MALRD1: variants seen among roughly 807,000 people sequenced by gnomAD.
MALRD1 encodes MAM and LDL receptor class A domain containing 1.
In MALRD1, 247 loss-of-function variants were observed where a neutral mutation model predicts 242.1. The ratio of observed to expected loss-of-function variants is 1.02; its 90% CI spans 0.92 to 1.13. MALRD1 has a LOEUF of 1.13. Ranked by LOEUF, MALRD1 falls within the 50% of genes most tolerant of loss-of-function variation. The pLI, the probability that MALRD1 is intolerant of heterozygous loss-of-function variation, is 0.00. For missense variants in MALRD1, 2,989 were observed against 2,533.1 expected (o/e 1.18, Z -3.86); for synonymous variants, 995 against 866.6 (o/e 1.15, Z -2.60).
At chr10:19,707,620 G>A (rs1468065254) in intron 38 of MALRD1, among the ~76,000 whole-genome samples, 1 of 152,002 alleles carries the variant, frequency 6.6e-6, no homozygotes, top group Non-Finnish European at 1.5e-5. Context: ...CAAGTCATGG[G>A]TTTGAAGTCA....
At chr10:19,234,481 A>T (rs550318586) in intron 18 of MALRD1, among the ~76,000 whole-genome samples, 1 of 152,222 alleles carries the variant, frequency 6.6e-6, no homozygotes, top group East Asian at 1.9e-4. Flanking sequence ...TCATTAGTTT[A>T]TTTCTCTCTT....
At chr10:19,248,334 A>G (rs899225334) in intron 18 of MALRD1, among the ~76,000 whole-genome samples, 4 of 151,954 alleles carry the variant, frequency 2.6e-5, no homozygotes, top group African/African-American at 9.6e-5. Context: ...TTATTACAGA[A>G]CTTGTTCCTC....
intron 28 of MALRD1, among the ~76,000 whole-genome samples, chr10:19,431,303 T>G (rs1409201155): frequency 2.6e-5 from 4 of 152,158 alleles, no homozygotes; most frequent in African/African-American, 9.7e-5. Context: ...TTTTTTAGGT[T>G]TATACTTCTT....
chr10:19,223,422 AT>A (rs34473924), intron 18 of MALRD1, among the ~76,000 whole-genome samples: 42,668 of 149,568 alleles, frequency 0.29, 6,304 homozygotes, highest in Admixed American at 0.46. Flanking sequence ...CTTCTAAGCA[AT>A]TTTTTTTTTT....
intron 29 of MALRD1, among the ~76,000 whole-genome samples, chr10:19,465,013 T>G (rs1319263199): frequency 6.6e-6 from 1 of 151,982 alleles, no homozygotes. Flanking sequence ...GATTCTCAGC[T>G]TTGTCACTGT....
At chr10:19,471,612 A>ATT (rs34751709) in intron 29 of MALRD1, among the ~76,000 whole-genome samples, 49 of 127,290 alleles carry the variant, frequency 3.8e-4, no homozygotes, top group East Asian at 1.2e-3. Context: ...TTTTCTCAGG[A>ATT]TTTTTTTTTT....
chr10:19,352,360 G>A, intron 26 of MALRD1, 63 bp downstream of exon 26: 4 of 1,425,560 alleles, frequency 2.8e-6, no homozygotes, highest in Non-Finnish European at 2.8e-6. Context: ...AAGGAAGAAA[G>A]AAAATGCAAA....
intron 33 of MALRD1, among the ~76,000 whole-genome samples, chr10:19,590,252 T>C (rs941054588): frequency 2.0e-5 from 3 of 148,574 alleles, no homozygotes; most frequent in African/African-American, 2.5e-5. Flanking sequence ...GGTGGTGATA[T>C]ATATATAATA....
intron 8 of MALRD1, among the ~76,000 whole-genome samples, chr10:19,130,769 T>A (rs1336771066): frequency 6.6e-6 from 1 of 152,158 alleles, no homozygotes; most frequent in Non-Finnish European, 1.5e-5. Context: ...AGATTGGAAT[T>A]ACTGAAAATG....
At chr10:19,727,955 C>T (rs1291823379) in intron 38 of MALRD1, among the ~76,000 whole-genome samples, 1 of 152,022 alleles carries the variant, frequency 6.6e-6, no homozygotes, top group Non-Finnish European at 1.5e-5. Context: ...TAATATTGAA[C>T]TTGAAATACT....
At chr10:19,358,193 CAA>C (rs745978192) in intron 26 of MALRD1, among the ~76,000 whole-genome samples, 39,905 of 88,926 alleles carry the variant, frequency 0.45, 5,682 homozygotes, top group African/African-American at 0.49. Flanking sequence ...GGGCAGGAGT[CAA>C]GTGTGTGTGT....
chr10:19,213,995 C>A (rs1055521203), intron 18 of MALRD1, among the ~76,000 whole-genome samples: 4 of 152,110 alleles, frequency 2.6e-5, no homozygotes, highest in Non-Finnish European at 4.4e-5. Context: ...TATTACTGGA[C>A]CTTGGTGAGC....
At chr10:19,304,510 T>C (rs1842086987) in intron 21 of MALRD1, among the ~76,000 whole-genome samples, 1 of 151,746 alleles carries the variant, frequency 6.6e-6, no homozygotes, top group African/African-American at 2.4e-5. Context: ...ATTAAGTTGG[T>C]ATTATTGACA....
rs571990027 is a variant in MALRD1 at position 19,649,950 on chromosome 10, C to G, written c.6137+34027C>G. On this transcript the variant is annotated intron_variant, in intron 36 of 39. Coordinates refer to ENST00000454679, the MANE Select transcript of MALRD1 (RefSeq NM_001142308.3). ...GCTTCAATCTTCTGCATATGACTAG[C>G]CAGTTATCCCAGCATCATTTATTGA... 2.2e-3 allele frequency among the ~76,000 whole-genome samples: 329 copies of G among 152,218 alleles called. 1 individual carries two copies. Among genetic ancestry groups the G allele is most frequent in the Non-Finnish European group, 3.1e-3 (211 of 68,024 alleles).
chr10:19,533,755 C>T lies in MALRD1; in HGVS notation c.5478+2404C>T, dbSNP rs532644397. 9.2e-5 allele frequency among the ~76,000 whole-genome samples: 14 copies of T among 152,280 alleles called. No individual in the cohort carries two copies. In the South Asian group the frequency reaches 1.0e-3, roughly 11 times the overall value. The stretch of plus-strand genomic sequence containing the variant: ...TGACAGATCTGCCCCCATGACCCAA[C>T]AGCTCCCACCAGTCCCAACCTCCAG... On this transcript the variant is annotated intron_variant, in intron 32 of 39. Coordinates refer to ENST00000454679, the MANE Select transcript of MALRD1 (RefSeq NM_001142308.3).
chr10:19,284,380 T>A (rs972728079), intron 21 of MALRD1, among the ~76,000 whole-genome samples: 5 of 148,722 alleles, frequency 3.4e-5, no homozygotes, highest in African/African-American at 7.4e-5. Flanking sequence ...TAGGTATATC[T>A]CCCAATGCTA....
intron 26 of MALRD1, among the ~76,000 whole-genome samples, chr10:19,384,858 G>T (rs1431111061): frequency 6.6e-6 from 1 of 150,862 alleles, no homozygotes; most frequent in African/African-American, 2.4e-5. Context: ...GCTAGAGAAA[G>T]AACTGAAAAT....
chr10:19,192,988 C>G (rs1475049754), intron 14 of MALRD1, among the ~76,000 whole-genome samples: 1 of 151,994 alleles, frequency 6.6e-6, no homozygotes, highest in Non-Finnish European at 1.5e-5. Flanking sequence ...GGCAGTTTGG[C>G]TAGGGTGTGC....
intron 5 of MALRD1, among the ~76,000 whole-genome samples, chr10:19,111,031 G>T (rs757757010): frequency 3.9e-5 from 6 of 152,158 alleles, no homozygotes; most frequent in Non-Finnish European, 7.4e-5. Context: ...CCTGTAATAA[G>T]ATTTTGCTAT....
Sources: gnomAD v4.1 joint callset for allele counts (sites outside exome capture counted in the v4.1 genomes callset) on GRCh38, gnomAD v4.1.1 for gene constraint, MANE v1.5 for transcripts, NCBI Gene and HGNC (gene_info 2026-07-23, HGNC 2026-07-21) for gene names.